ALDH1A1: variants seen among roughly 807,000 people sequenced by gnomAD.
ALDH1A1 encodes the protein aldehyde dehydrogenase 1 family member A1.
A neutral mutation model predicts 62.1 loss-of-function variants in ALDH1A1; 19 were observed. The ratio of observed to expected loss-of-function variants is 0.31; its 90% CI spans 0.21 to 0.45. The LOEUF (loss-of-function observed/expected upper bound fraction) is 0.45, where lower values mean the gene tolerates loss of function less well. Ranked by LOEUF, ALDH1A1 falls within the 20% of genes least tolerant of loss-of-function variation. The probability of loss-of-function intolerance (pLI) is 1.00; values close to 1 mark genes in which losing one functional copy is unlikely to be tolerated. For missense variants in ALDH1A1, 521 were observed against 607.1 expected (o/e 0.86, Z 1.49); for synonymous variants, 231 against 215.9 (o/e 1.07, Z -0.61).
intron 2 of ALDH1A1, among the ~76,000 whole-genome samples, chr9:72,937,010 G>A (rs1830354523): frequency 6.6e-6 from 1 of 152,100 alleles, no homozygotes; most frequent in Non-Finnish European, 1.5e-5. Context: ...GGAAGGTGGG[G>A]CTCAGCTATC....
intron 7 of ALDH1A1, among the ~76,000 whole-genome samples, chr9:72,923,145 C>T (rs554930802): frequency 6.6e-6 from 1 of 152,220 alleles, no homozygotes; most frequent in African/African-American, 2.4e-5. Context: ...TTCTAGTACC[C>T]ATTTGGACAT....
intron 2 of ALDH1A1, among the ~76,000 whole-genome samples, chr9:72,933,592 C>CAAAAAAAA (rs60011646): frequency 3.4e-4 from 38 of 111,726 alleles, no homozygotes; most frequent in African/African-American, 5.3e-4. Context: ...CATCTCAAAA[C>CAAAAAAAA]AAAAAAAAAA....
chr9:72,932,189 A>G (rs1335438463), intron 2 of ALDH1A1, among the ~76,000 whole-genome samples: 1 of 152,210 alleles, frequency 6.6e-6, no homozygotes, highest in Non-Finnish European at 1.5e-5. Flanking sequence ...TAGTGGCTAT[A>G]TCACAGGCCA....
chr9:72,942,260 T>C, intron 1 of ALDH1A1: 1 of 981,306 alleles, frequency 1.0e-6, no homozygotes, highest in Non-Finnish European at 1.2e-6. Flanking sequence ...GTATTTTTCT[T>C]CTCAAGGGAT....
At chr9:72,940,293 A>C (rs1830401120) in intron 1 of ALDH1A1, 41 bp from the exon 2 acceptor site, 1 of 1,487,826 alleles carries the variant, frequency 6.7e-7, no homozygotes, top group Non-Finnish European at 9.4e-7. Context: ...GCGCTTAAAT[A>C]TGCAGAAAAT....
Position 72,925,572 on chromosome 9 carries a change from G to A in ALDH1A1, c.545C>T (p.Pro182Leu). 1 of 1,613,742 alleles carries A rather than the reference G, an allele frequency of 6.2e-7. No homozygotes were observed. Among genetic ancestry groups the A allele is most frequent in the Non-Finnish European group, 8.5e-7 (1 of 1,179,798 alleles). Reference sequence around the variant, plus strand: ...CACTGTGTTTCCACAGCTCAGTGCAGGCCCTATCTTCCAAATGAGCATAAC... The same window carrying A: ...CACTGTGTTTCCACAGCTCAGTGCAAGCCCTATCTTCCAAATGAGCATAAC... Reference protein sequence around the residue: ...PLVMLIWKIGPALSCGNTVVV... With the variant: ...PLVMLIWKIGLALSCGNTVVV... The change falls in exon 6 of 13, where the codon CCT becomes CTT. Residue 182 changes from proline to leucine, a missense_variant. By Grantham distance (98) the Pro-to-Leu change is moderately conservative (BLOSUM62 -3). Transcript: ENST00000297785.
chr9:72,901,001 C>A lies in ALDH1A1; in HGVS notation c.*207G>T, dbSNP rs980352699. The stretch of plus-strand genomic sequence containing the variant: ...TTGTCTTTTTTTATTTAGGATAGGA[C>A]TTGGGGGTCACATTTCAGAAGGCAA... On this transcript the variant is annotated 3_prime_UTR_variant, in exon 13 of 13. Transcript: ENST00000297785. 8 of 437,112 alleles carry A rather than the reference C, an allele frequency of 1.8e-5. No homozygotes were observed. Among genetic ancestry groups the A allele is most frequent in the Non-Finnish European group, 3.3e-5 (8 of 243,530 alleles). 27.1% of individuals were successfully genotyped at this position (437,112 alleles called of 1,614,324 possible). A position where few individuals can be genotyped will look rare whatever the true frequency, so the allele number is the denominator to read the frequency against.
At chr9:72,905,860 C>T (rs1366584707) in intron 12 of ALDH1A1, 98 bp downstream of exon 12, 9 of 944,402 alleles carry the variant, frequency 9.5e-6, no homozygotes, top group African/African-American at 1.7e-5. Context: ...AGAACAGAGG[C>T]AGGTTTTATG....
chr9:72,914,973 G>A (rs369517720), intron 9 of ALDH1A1, among the ~76,000 whole-genome samples: 3 of 152,032 alleles, frequency 2.0e-5, no homozygotes, highest in Admixed American at 1.3e-4. Context: ...TCCCCTTTGC[G>A]TAAGTTTTTT....
chr9:72,944,429 T>C (rs1296351786), intron 1 of ALDH1A1, among the ~76,000 whole-genome samples: 2 of 152,130 alleles, frequency 1.3e-5, no homozygotes, highest in Admixed American at 6.6e-5. Context: ...AGTCTTTTTC[T>C]TCCCCTTAGC....
chr9:72,907,046 A>G lies in ALDH1A1; in HGVS notation c.1359-1014T>C, dbSNP rs184338691. On this transcript the variant is annotated intron_variant, in intron 11 of 12. Coordinates refer to ENST00000297785, the MANE Select transcript of ALDH1A1 (RefSeq NM_000689.5). ...GTGGCTTCCAGATAAATTGTATTAT[A>G]CTTTGAAGGTTTGGTCATTACTTTT... 9.2e-5 allele frequency among the ~76,000 whole-genome samples: 14 copies of G among 152,272 alleles called. No individual in the cohort carries two copies. The East Asian group carries it at 2.7e-3, about 29-fold the overall frequency.
intron 9 of ALDH1A1, among the ~76,000 whole-genome samples, chr9:72,914,931 G>A (rs1830041799): frequency 6.6e-6 from 1 of 152,054 alleles, no homozygotes; most frequent in Non-Finnish European, 1.5e-5. Context: ...ACCCCTGGAT[G>A]AGGCAATAGG....
At chr9:72,944,662 A>G (rs1394198616) in intron 1 of ALDH1A1, among the ~76,000 whole-genome samples, 3 of 152,126 alleles carry the variant, frequency 2.0e-5, no homozygotes, top group African/African-American at 7.2e-5. Context: ...TTAATGTTCT[A>G]TAATGGTGAC....
chr9:72,944,890 T>C (rs963823187), intron 1 of ALDH1A1, among the ~76,000 whole-genome samples: 4 of 152,094 alleles, frequency 2.6e-5, no homozygotes, highest in African/African-American at 9.7e-5. Flanking sequence ...TGCCTATGCA[T>C]ACTCTTGGAC....
At chr9:72,942,801 C>T (rs1830431517) in intron 1 of ALDH1A1, among the ~76,000 whole-genome samples, 1 of 152,074 alleles carries the variant, frequency 6.6e-6, no homozygotes, top group Admixed American at 6.6e-5. Context: ...TCTATTTTTA[C>T]TTCAAATTCT....
At chr9:72,906,148 C>T in intron 11 of ALDH1A1, 116 bp from the exon 12 acceptor site, 1 of 634,492 alleles carries the variant, frequency 1.6e-6, no homozygotes, top group Non-Finnish European at 2.7e-6. Context: ...TTCATTATAA[C>T]ATACTCATCT....
At chr9:72,926,117 C>G (rs1444869959) in intron 5 of ALDH1A1, among the ~76,000 whole-genome samples, 1 of 152,190 alleles carries the variant, frequency 6.6e-6, no homozygotes, top group Non-Finnish European at 1.5e-5. Flanking sequence ...GCCATGTGAA[C>G]TCACACAGGT....
chr9:72,927,860 C>T (rs937359011), intron 4 of ALDH1A1, among the ~76,000 whole-genome samples: 2 of 151,834 alleles, frequency 1.3e-5, no homozygotes, highest in African/African-American at 4.8e-5. Context: ...CATTTATTTT[C>T]AATCTAAATT....
chr9:72,945,108 A>G (rs970079893), intron 1 of ALDH1A1, among the ~76,000 whole-genome samples: 10 of 152,130 alleles, frequency 6.6e-5, no homozygotes, highest in Non-Finnish European at 1.5e-4. Context: ...AGTAAAAGTT[A>G]TTATGTCTTA....
Sources: allele counts gnomAD v4.1 joint callset (sites outside exome capture counted in the v4.1 genomes callset), GRCh38; gene constraint gnomAD v4.1.1; transcripts MANE v1.5; gene names NCBI Gene and HGNC (gene_info 2026-07-23, HGNC 2026-07-21).